The following CERS6 variants were observed in gnomAD, a reference collection of about 807,000 sequenced individuals.
CERS6 encodes LAG1 homolog, ceramide synthase 6.
In CERS6, 26 loss-of-function variants were observed where a neutral mutation model predicts 56.8. That is an observed-to-expected ratio of 0.46 (90% CI 0.34 to 0.63). The LOEUF is 0.63. Ranked by LOEUF, CERS6 falls within the 30% of genes least tolerant of loss-of-function variation. The pLI, the probability that CERS6 is intolerant of heterozygous loss-of-function variation, is 0.01. For synonymous variants in CERS6, 164 were observed against 173.3 expected, an observed-to-expected ratio of 0.95 and a Z score of 0.42; for missense variants, 415 against 467.5, an observed-to-expected ratio of 0.89 and a Z score of 1.04.
rs895463531 is a variant in CERS6, at chr2:168,771,792, T to G, written c.*2130T>G. ...AATTTCAAGGAGGTCATCTTGTAAA[T>G]TAAAGGTTTAGAAGAATTGCATAAA... On this transcript the variant is annotated 3_prime_UTR_variant, in exon 10 of 10. Transcript: ENST00000305747. 2 of 152,148 alleles carry G rather than the reference T, an allele frequency of 1.3e-5. No homozygotes were observed. The highest frequency in any genetic ancestry group is 4.8e-5 in the African/African-American group (2 of 41,424). The allele number at this position is 152,148 out of a possible 1,614,324, so 9.4% of individuals were successfully genotyped here. A position where few individuals can be genotyped will look rare whatever the true frequency, so the allele number is the denominator to read the frequency against.
rs79495352 is a variant in CERS6, at chr2:168,699,287, T to C, written c.609+4236T>C. Among the ~76,000 whole-genome samples, 976 of 152,314 alleles carry C rather than the reference T, an allele frequency of 6.4e-3. 7 individuals carry two copies. Among genetic ancestry groups the C allele is most frequent in the Non-Finnish European group, 0.011 (722 of 68,026 alleles). Reference sequence around the variant, plus strand: ...CCTCTAAAAACAGCCTGCTTCCTTATGATGGGATAGGGATGTTTGAAGACA... The same window carrying C: ...CCTCTAAAAACAGCCTGCTTCCTTACGATGGGATAGGGATGTTTGAAGACA... On this transcript the variant is annotated intron_variant, in intron 6 of 9. Coordinates refer to ENST00000305747, the MANE Select transcript of CERS6 (RefSeq NM_203463.3).
intron 3 of CERS6, among the ~76,000 whole-genome samples, chr2:168,570,876 G>T (rs1189245802): frequency 6.6e-6 from 1 of 152,118 alleles, no homozygotes; most frequent in Non-Finnish European, 1.5e-5. Flanking sequence ...CTCAGTGCTT[G>T]GTTCCCTTTC....
At chr2:168,744,266 A>G (rs1684028709) in intron 8 of CERS6, among the ~76,000 whole-genome samples, 1 of 151,908 alleles carries the variant, frequency 6.6e-6, no homozygotes, top group African/African-American at 2.4e-5. Context: ...CGGCCTCCCA[A>G]AGTGCTGGGA....
At chr2:168,467,368 T>C (rs1693899732) in intron 1 of CERS6, among the ~76,000 whole-genome samples, 1 of 152,180 alleles carries the variant, frequency 6.6e-6, no homozygotes, top group African/African-American at 2.4e-5. Flanking sequence ...GAAGAAAAAC[T>C]GAGAATGAAG....
chr2:168,749,119 G>A (rs1684188186), intron 8 of CERS6, among the ~76,000 whole-genome samples: 1 of 152,104 alleles, frequency 6.6e-6, no homozygotes, highest in Admixed American at 6.5e-5. Context: ...ACAGAAGAGT[G>A]CAGAACCCAG....
intron 1 of CERS6, among the ~76,000 whole-genome samples, chr2:168,489,416 CTT>C (rs924713060): frequency 2.7e-5 from 4 of 147,628 alleles, no homozygotes; most frequent in Non-Finnish European, 4.5e-5. Flanking sequence ...AAATTTGTGT[CTT>C]TTAATGAGTG....
intron 3 of CERS6, among the ~76,000 whole-genome samples, chr2:168,566,874 C>T (rs965601651): frequency 6.7e-6 from 1 of 150,200 alleles, no homozygotes; most frequent in African/African-American, 2.5e-5. Flanking sequence ...CAAAGTTTTG[C>T]CAGAGAGAAA....
intron 1 of CERS6, among the ~76,000 whole-genome samples, chr2:168,465,071 T>C (rs1200116533): frequency 1.3e-5 from 2 of 152,248 alleles, no homozygotes; most frequent in East Asian, 1.9e-4. Context: ...CTCAGAGATA[T>C]ATTTGTACAC....
intron 1 of CERS6, among the ~76,000 whole-genome samples, chr2:168,476,183 C>A (rs1694065522): frequency 1.3e-5 from 2 of 150,542 alleles, no homozygotes; most frequent in African/African-American, 2.4e-5. Flanking sequence ...CCAGCCAGTA[C>A]ATTAATTATG....
At chr2:168,639,350 A>C (rs1218103716) in intron 4 of CERS6, among the ~76,000 whole-genome samples, 1 of 152,238 alleles carries the variant, frequency 6.6e-6, no homozygotes, top group Non-Finnish European at 1.5e-5. Context: ...TCCATGTATC[A>C]AAATCTGTAC....
chr2:168,576,658 A>G (rs751115993), intron 3 of CERS6, among the ~76,000 whole-genome samples: 1 of 152,226 alleles, frequency 6.6e-6, no homozygotes, highest in African/African-American at 2.4e-5. Context: ...ACCCACCCAG[A>G]TTCACCACTG....
chr2:168,725,083 C>G (rs1406807456), intron 8 of CERS6, among the ~76,000 whole-genome samples: 1 of 152,254 alleles, frequency 6.6e-6, no homozygotes, highest in Non-Finnish European at 1.5e-5. Context: ...TCGAGCGCAG[C>G]GCCAGTGGGC....
intron 4 of CERS6, among the ~76,000 whole-genome samples, chr2:168,637,084 A>G (rs1461923561): frequency 6.6e-6 from 1 of 152,184 alleles, no homozygotes; most frequent in Non-Finnish European, 1.5e-5. Context: ...ATGTATGGTG[A>G]GCTGGTCCCA....
At chr2:168,645,701 G>A (rs566206363) in intron 4 of CERS6, among the ~76,000 whole-genome samples, 5 of 151,978 alleles carry the variant, frequency 3.3e-5, no homozygotes, top group South Asian at 4.2e-4. Context: ...ACCCACCACC[G>A]TCAGGGAGGC....
chr2:168,474,631 A>G (rs989295512), intron 1 of CERS6, among the ~76,000 whole-genome samples: 2 of 148,626 alleles, frequency 1.3e-5, no homozygotes, highest in Non-Finnish European at 3.0e-5. Flanking sequence ...TAATACCATA[A>G]CAAGACATTT....
At chr2:168,610,035 T>C (rs1684147430) in intron 3 of CERS6, among the ~76,000 whole-genome samples, 1 of 137,228 alleles carries the variant, frequency 7.3e-6, no homozygotes, top group Admixed American at 8.9e-5. Flanking sequence ...TGGAGTGCAG[T>C]GGCGCGACCT....
chr2:168,742,385 T>C (rs965905450), intron 8 of CERS6, among the ~76,000 whole-genome samples: 1 of 152,242 alleles, frequency 6.6e-6, no homozygotes, highest in African/African-American at 2.4e-5. Context: ...ATGTGAGGAA[T>C]AGCCCTGTTT....
At position 168,480,139 on chromosome 2, in the gene CERS6, T is replaced by A. The variant is rs977334754; in HGVS notation, c.170+23521T>A. Among the ~76,000 whole-genome samples the A allele has an allele frequency of 3.3e-5, 5 of 152,216 alleles. No homozygotes were observed. The South Asian group carries it at 1.0e-3, about 31-fold the overall frequency. ...GTAGGTAGCAGCGACTGGGTTTTGC[T>A]TCTTTAAACTTGTGAGAGAAATGGA... On this transcript the variant is annotated intron_variant, in intron 1 of 9. Coordinates refer to ENST00000305747, the MANE Select transcript of CERS6 (RefSeq NM_203463.3).
At position 168,639,314 on chromosome 2, in the gene CERS6, T is replaced by G. The variant is rs113560934; in HGVS notation, c.465+8272T>G. On this transcript the variant is annotated intron_variant, in intron 4 of 9. Coordinates refer to ENST00000305747, the MANE Select transcript of CERS6 (RefSeq NM_203463.3). Reference sequence around the variant, plus strand: ...AGAAAACTAGTAACTCCCAGAAGATTCAGGTAATTTGATAGGAAGTATTGA... The same window carrying G: ...AGAAAACTAGTAACTCCCAGAAGATGCAGGTAATTTGATAGGAAGTATTGA... Among the ~76,000 whole-genome samples the G allele has an allele frequency of 6.7e-3, 1,024 of 152,320 alleles. 12 individuals are homozygous for G. The highest frequency in any genetic ancestry group is 0.022 in the African/African-American group (931 of 41,578).
Sources: allele counts gnomAD v4.1 joint callset (sites outside exome capture counted in the v4.1 genomes callset), GRCh38; gene constraint gnomAD v4.1.1; transcripts MANE v1.5; gene names NCBI Gene and HGNC (gene_info 2026-07-23, HGNC 2026-07-21).